GRID1: variants seen among roughly 807,000 people sequenced by gnomAD.
GRID1 encodes the protein glutamate ionotropic receptor delta type subunit 1, also known as glutamate receptor ionotropic, delta-1.
Under a neutral mutation model 98.0 loss-of-function variants are expected in GRID1, and 28 were observed. The observed-to-expected ratio is 0.29, with a 90% CI of 0.21 to 0.39. The LOEUF (loss-of-function observed/expected upper bound fraction) is 0.39. Ranked by LOEUF, GRID1 falls within the 10% of genes least tolerant of loss-of-function variation. GRID1 has a pLI of 1.00. For missense variants in GRID1, 1,111 were observed against 1,340.5 expected (o/e 0.83, Z 2.67); for synonymous variants, 553 against 538.5 (o/e 1.03, Z -0.37).
chr10:85,644,367 C>T (rs1843160433), intron 13 of GRID1, among the ~76,000 whole-genome samples: 1 of 152,202 alleles, frequency 6.6e-6, no homozygotes, highest in African/African-American at 2.4e-5. Flanking sequence ...TGCTCTGGCT[C>T]TCCCACCTGT....
At chr10:85,709,276 C>G (rs1841557177) in intron 12 of GRID1, 1 of 159,100 alleles carries the variant, frequency 6.3e-6, no homozygotes, top group Non-Finnish European at 1.4e-5. Context: ...CAGCTTGATA[C>G]CCCAGCTCTT....
chr10:86,254,491 G>A (rs886229267), intron 2 of GRID1, among the ~76,000 whole-genome samples: 19 of 152,342 alleles, frequency 1.2e-4, no homozygotes, highest in African/African-American at 4.3e-4. Flanking sequence ...CAAGATCCAG[G>A]TGACGGATGC....
At position 85,904,040 on chromosome 10, in the gene GRID1, T is replaced by C. The variant is rs184073619; in HGVS notation, c.780+12146A>G. On this transcript the variant is annotated intron_variant, in intron 5 of 15. Transcript: ENST00000327946. ...CCTTACATGATTGTATTACTCTACATAGTATCTAACAAATTCATCAAATTA... is the reference window on the plus strand; with the variant it reads ...CCTTACATGATTGTATTACTCTACACAGTATCTAACAAATTCATCAAATTA... 5.9e-5 allele frequency among the ~76,000 whole-genome samples: 9 copies of C among 152,354 alleles called. No individual in the cohort carries two copies. In the East Asian group the frequency reaches 1.5e-3, roughly 26 times the overall value.
intron 2 of GRID1, among the ~76,000 whole-genome samples, chr10:86,349,903 T>C (rs973318322): frequency 6.6e-6 from 1 of 152,268 alleles, no homozygotes; most frequent in Admixed American, 6.5e-5. Context: ...CTGATGGCCC[T>C]CACAAATAAA....
chr10:86,191,541 C>T (rs577794390), intron 3 of GRID1, among the ~76,000 whole-genome samples: 80 of 151,990 alleles, frequency 5.3e-4, no homozygotes, highest in African/African-American at 1.9e-3. Context: ...CTGATTACCA[C>T]TGACCACTGA....
rs767323700 is a variant in GRID1 at position 85,602,317 on chromosome 10, C to T, written c.2986G>A (p.Val996Ile). 2.1e-5 allele frequency: 33 copies of T among 1,547,596 alleles called. No individual in the cohort carries two copies. The highest frequency in any genetic ancestry group is 8.2e-5 in the African/African-American group (6 of 73,102). Residue 996 changes from valine to isoleucine, a missense_variant, in exon 16 of 16, where the codon GTC becomes ATC. Physicochemically the swap from Val to Ile is conservative, Grantham distance 29. Coordinates refer to ENST00000327946, the MANE Select transcript of GRID1 (RefSeq NM_017551.3). Reference protein sequence around the residue: ...PMSFQPVPGGVLPEALDTSHG... With the variant: ...PMSFQPVPGGILPEALDTSHG... The stretch of plus-strand genomic sequence containing the variant: ...GAGGTGTCCAGAGCCTCTGGAAGGA[C>T]GCCTCCAGGCACGGGCTGGAAGGAC...
chr10:85,813,907 A>G (rs527310484), intron 8 of GRID1, among the ~76,000 whole-genome samples: 1 of 152,010 alleles, frequency 6.6e-6, no homozygotes, highest in South Asian at 2.1e-4. Flanking sequence ...TAAAGTTTAC[A>G]TAAAGTGATA....
chr10:86,030,173 T>G (rs1422381126), intron 4 of GRID1, among the ~76,000 whole-genome samples: 1 of 152,220 alleles, frequency 6.6e-6, no homozygotes, highest in Admixed American at 6.5e-5. Context: ...ACCCTGGCTA[T>G]GTAAAGAAGG....
At chr10:85,915,234 A>G (rs905410230) in intron 5 of GRID1, among the ~76,000 whole-genome samples, 1 of 152,098 alleles carries the variant, frequency 6.6e-6, no homozygotes, top group Admixed American at 6.5e-5. Flanking sequence ...ACACAAACAC[A>G]CATGCACATA....
intron 2 of GRID1, among the ~76,000 whole-genome samples, chr10:86,264,432 C>T (rs1229286003): frequency 6.6e-6 from 1 of 152,218 alleles, no homozygotes; most frequent in Non-Finnish European, 1.5e-5. Flanking sequence ...AGGAATCCCA[C>T]CACCACTCAG....
chr10:85,845,092 G>A (rs1054635261), intron 8 of GRID1, among the ~76,000 whole-genome samples: 1 of 151,370 alleles, frequency 6.6e-6, no homozygotes, highest in African/African-American at 2.4e-5. Flanking sequence ...CCTAACTAAT[G>A]CAACAAGACA....
At chr10:85,897,700 T>C (rs917558779) in intron 5 of GRID1, among the ~76,000 whole-genome samples, 1 of 152,236 alleles carries the variant, frequency 6.6e-6, no homozygotes, top group East Asian at 1.9e-4. Flanking sequence ...TAAATCAAGC[T>C]AATTAATTGA....
intron 13 of GRID1, among the ~76,000 whole-genome samples, chr10:85,636,105 A>T (rs1299958066): frequency 6.6e-6 from 1 of 152,236 alleles, no homozygotes; most frequent in African/African-American, 2.4e-5. Flanking sequence ...GGTTTCTCTC[A>T]TGGTAGCTGT....
rs541234117 is a variant in GRID1, at chr10:86,018,634, G to A, written c.727-102395C>T. Among the ~76,000 whole-genome samples, 53 of 152,262 alleles carry A rather than the reference G, an allele frequency of 3.5e-4. 1 individual carries two copies. The South Asian group carries it at 0.011, about 32-fold the overall frequency. On this transcript the variant is annotated intron_variant, in intron 4 of 15. Transcript: ENST00000327946. Reference sequence around the variant, plus strand: ...CAGAGCTGTTTCTTCCAAACCTCCTGTGAGTGCCTCTGGAGACTACCAGCC... The same window carrying A: ...CAGAGCTGTTTCTTCCAAACCTCCTATGAGTGCCTCTGGAGACTACCAGCC...
chr10:86,229,111 C>T (rs1212211338), intron 2 of GRID1, among the ~76,000 whole-genome samples: 1 of 152,130 alleles, frequency 6.6e-6, no homozygotes, highest in Non-Finnish European at 1.5e-5. Context: ...CTCCTTTGGG[C>T]CTTCTACTTT....
At chr10:86,270,826 G>A (rs1847174895) in intron 2 of GRID1, among the ~76,000 whole-genome samples, 1 of 152,154 alleles carries the variant, frequency 6.6e-6, no homozygotes, top group African/African-American at 2.4e-5. Context: ...ATGGAGCAAT[G>A]GTTTTTCAAG....
chr10:85,988,223 T>C (rs537913155), intron 4 of GRID1, among the ~76,000 whole-genome samples: 1 of 152,264 alleles, frequency 6.6e-6, no homozygotes, highest in South Asian at 2.1e-4. Context: ...CCTCTATTGT[T>C]GCAGGTGTCA....
chr10:85,629,984 T>C (rs1160760202), intron 13 of GRID1, among the ~76,000 whole-genome samples: 1 of 152,352 alleles, frequency 6.6e-6, no homozygotes, highest in East Asian at 1.9e-4. Flanking sequence ...TTTTTTCATA[T>C]GCTTGTTGGC....
intron 2 of GRID1, among the ~76,000 whole-genome samples, chr10:86,260,592 G>A (rs1487077905): frequency 6.6e-6 from 1 of 152,210 alleles, no homozygotes; most frequent in African/African-American, 2.4e-5. Flanking sequence ...ATCCTAGAAG[G>A]CTCAAGGCAG....
Sources: allele counts gnomAD v4.1 joint callset (sites outside exome capture counted in the v4.1 genomes callset), GRCh38; gene constraint gnomAD v4.1.1; transcripts MANE v1.5; gene names NCBI Gene and HGNC (gene_info 2026-07-23, HGNC 2026-07-21).